The following ZNF418 variants were observed in gnomAD, a reference collection of about 807,000 sequenced individuals.
ZNF418 encodes zinc finger protein 418.
A neutral mutation model predicts 32.0 loss-of-function variants in ZNF418; 32 were observed. That is an observed-to-expected ratio of 1.00 (90% CI 0.75 to 1.34). The LOEUF is 1.34. Ranked by LOEUF, ZNF418 falls within the 40% of genes most tolerant of loss-of-function variation. The pLI is 0.00. For missense variants in ZNF418, 804 were observed against 812.5 expected (o/e 0.99, Z 0.13); for synonymous variants, 276 against 270.7 (o/e 1.02, Z -0.19).
chr19:57,931,775 T>C (rs929444318), intron 2 of ZNF418, among the ~76,000 whole-genome samples: 1 of 151,066 alleles, frequency 6.6e-6, no homozygotes, highest in Non-Finnish European at 1.5e-5. Context: ...GGGGTGTTGC[T>C]AAGTTGCCCA....
At chr19:57,931,712 G>A (rs1247528372) in intron 2 of ZNF418, among the ~76,000 whole-genome samples, 1 of 152,162 alleles carries the variant, frequency 6.6e-6, no homozygotes, top group African/African-American at 2.4e-5. Context: ...TCAGCCTTCT[G>A]TGGAGATGGG....
chr19:57,932,348 C>T, intron 2 of ZNF418: 1 of 1,348,516 alleles, frequency 7.4e-7, no homozygotes, highest in Non-Finnish European at 1.0e-6. Context: ...TCACATTGGC[C>T]TTTCATTTTC....
At chr19:57,934,387 TG>T (rs2072609539) in intron 1 of ZNF418, 1 of 200,278 alleles carries the variant, frequency 5.0e-6, no homozygotes. Context: ...TGGCTAATTT[TG>T]TATTTTTGTT....
rs991144420 is a variant in ZNF418 at position 57,927,275 on chromosome 19, A to C, written c.906T>G (p.Val302=). The change falls in exon 4 of 6, where the codon GTT becomes GTG. Residue 302 remains valine, a synonymous_variant. Transcript: ENST00000396147. Reference sequence around the variant, plus strand: ...CTCCAGTATGAACTCGCTGATGCTGAACAAGGCTGCCCTTATGACTAAAAG... The same window carrying C: ...CTCCAGTATGAACTCGCTGATGCTGCACAAGGCTGCCCTTATGACTAAAAG... ...GKSFSHKGSL[V]QHQRVHTGER... is the part of the protein sequence containing the mutation. 3 of 1,614,008 alleles carry C rather than the reference A, an allele frequency of 1.9e-6. No homozygotes were observed. Among genetic ancestry groups the C allele is most frequent in the Non-Finnish European group, 2.5e-6 (3 of 1,180,024 alleles).
intron 3 of ZNF418, among the ~76,000 whole-genome samples, chr19:57,929,502 A>G (rs2072391698): frequency 2.0e-5 from 3 of 152,186 alleles, no homozygotes; most frequent in Admixed American, 2.0e-4. Context: ...GTGGCAGCAA[A>G]CAGTGATGAG....
In ZNF418 at chr19:57,926,505, G is replaced by A. The variant is rs1338388111; in HGVS notation, c.1676C>T (p.Thr559Ile). The change falls in exon 4 of 6, where the codon ACT becomes ATT. Residue 559 changes from threonine to isoleucine, a missense_variant. Around this residue, in one of 3 missense-constraint regions of ZNF418, gnomAD observed 475 missense variants for 458.6 expected, o/e 1.04. Coordinates refer to ENST00000396147, the MANE Select transcript of ZNF418 (RefSeq NM_133460.3). ...CTCATAAGGTCTTTCTGCAGTGTGA[G>A]TTTTCTGATGTCGAAGGAGGGAAGA... The part of the protein sequence containing the change: ...QSSSLLRHQK[T>I]HTAERPYECR... 6.8e-6 allele frequency: 11 copies of A among 1,612,856 alleles called. No homozygotes were observed. Among genetic ancestry groups the A allele is most frequent in the Non-Finnish European group, 8.5e-6 (10 of 1,179,798 alleles).
Position 57,927,242 on chromosome 19 carries a change from A to C in ZNF418, c.939T>G (p.Pro313=), listed in dbSNP as rs1403508873. ...QHQRVHTGER[P]YECGECGKSF... ...ATTTCCCACATTCTCCACACTCATA[A>C]GGTCTTTCTCCAGTATGAACTCGCT... The change falls in exon 4 of 6, where the codon CCT becomes CCG. Residue 313 remains proline, a synonymous_variant. Transcript: ENST00000396147. The C allele has an allele frequency of 1.2e-6, 2 of 1,614,062 alleles. No individual in the cohort carries two copies. Among genetic ancestry groups the C allele is most frequent in the African/African-American group, 2.7e-5 (2 of 74,916 alleles).
chr19:57,934,964 T>C, intron 1 of ZNF418, 197 bp downstream of exon 1: 2 of 1,393,636 alleles, frequency 1.4e-6, no homozygotes, highest in South Asian at 1.3e-5. Context: ...CTCCAGGCCA[T>C]AGCCCGCGCC....
Position 57,927,878 on chromosome 19 carries a change from CTGA to C in ZNF418, c.300_302del (p.His100del), listed in dbSNP as rs1392755096. The C allele has an allele frequency of 1.8e-5, 29 of 1,614,096 alleles. No individual in the cohort carries two copies. The highest frequency in any genetic ancestry group is 2.5e-5 in the Non-Finnish European group (29 of 1,180,024). On this transcript the variant is annotated inframe_deletion, in exon 4 of 6. Transcript: ENST00000396147. ...GCAGTTTCTGCTTGTGATGTGTCCC[CTGA>C]TGATCTGCCAAGTGCAAAATGTCTC...
chr19:57,925,262 C>T (rs531793608), intron 4 of ZNF418, among the ~76,000 whole-genome samples: 4 of 152,154 alleles, frequency 2.6e-5, no homozygotes, highest in Admixed American at 2.0e-4. Context: ...AGATCGAGAC[C>T]ATCCTGGCTA....
chr19:57,927,844 C>G lies in ZNF418; in HGVS notation c.337G>C (p.Glu113Gln), dbSNP rs1251695986. Residue 113 changes from glutamate to glutamine, a missense_variant, in exon 4 of 6, where the codon GAG becomes CAG. Physicochemically the swap from Glu to Gln is conservative, Grantham distance 29. Around this residue, in one of 3 missense-constraint regions of ZNF418, gnomAD observed 307 missense variants for 304.9 expected, o/e 1.01. Coordinates refer to ENST00000396147, the MANE Select transcript of ZNF418 (RefSeq NM_133460.3). ...TCATACAATTTATTCCCCCATGCCT[C>G]ACACCTGTGCAGTTTCTGCTTGTGA... ...THHKQKLHRC[E>Q]AWGNKLYDSS... 1.2e-6 allele frequency: 2 copies of G among 1,614,034 alleles called. No individual in the cohort carries two copies. The highest frequency in any genetic ancestry group is 2.2e-5 in the East Asian group (1 of 44,872).
chr19:57,925,329 T>C (rs1488694566), intron 4 of ZNF418, among the ~76,000 whole-genome samples: 13 of 151,670 alleles, frequency 8.6e-5, no homozygotes, highest in African/African-American at 2.2e-4. Context: ...GGCATGGTGG[T>C]GGGCACCTGT....
rs754364301 is a variant in ZNF418, at chr19:57,926,175, T to A, written c.2006A>T (p.His669Leu). 3 of 1,612,862 alleles carry A rather than the reference T, an allele frequency of 1.9e-6. No individual in the cohort carries two copies. The highest frequency in any genetic ancestry group is 3.3e-4 in the Middle Eastern group (2 of 6,056). The change falls in exon 4 of 6, where the codon CAC (histidine) becomes CTC (leucine). Residue 669 changes from histidine (H) to leucine (L), a missense_variant. This residue lies in a region of ZNF418 where 475 missense variants were observed against 458.6 expected (regional missense o/e 1.04). Coordinates refer to ENST00000396147, the MANE Select transcript of ZNF418 (RefSeq NM_133460.3). The stretch of plus-strand genomic sequence containing the variant: ...TCACTTGTAAGGACTTCTTTCTGTG[T>A]GAACTCTCTGATGTCGAAGGAGAGA... ...SSSLLRHQRVHTERSPYK is the reference protein window; with the variant it reads ...SSSLLRHQRVLTERSPYK
intron 1 of ZNF418, among the ~76,000 whole-genome samples, chr19:57,934,441 C>G (rs1398892609): frequency 6.6e-6 from 1 of 152,176 alleles, no homozygotes; most frequent in Non-Finnish European, 1.5e-5. Context: ...GTCTCGAACT[C>G]CCGACCTCAG....
intron 2 of ZNF418, among the ~76,000 whole-genome samples, chr19:57,933,351 G>A (rs1002953849): frequency 3.3e-5 from 5 of 150,860 alleles, no homozygotes; most frequent in African/African-American, 4.9e-5. Context: ...AGGCCGAGAC[G>A]GGTAGATCAC....
At position 57,926,072 on chromosome 19, in the gene ZNF418, TA is replaced by T; in HGVS notation, c.*77del. On this transcript the variant is annotated 3_prime_UTR_variant, in exon 4 of 6. Transcript: ENST00000396147. ...GAATATCCCACGTTTGTCACACTCA[TA>T]AGGTCCTGATCCAGTAAGAACCCTC... 8.0e-7 allele frequency: 1 copy of T among 1,250,742 alleles called. No individual in the cohort carries two copies. 77.5% of individuals were successfully genotyped at this position (1,250,742 alleles called of 1,614,324 possible).
chr19:57,932,968 G>A (rs908734853), intron 2 of ZNF418, among the ~76,000 whole-genome samples: 7 of 152,008 alleles, frequency 4.6e-5, no homozygotes, highest in Non-Finnish European at 8.8e-5. Flanking sequence ...CTATCTTCAT[G>A]AGCCCTTGCC....
rs894143004 is a variant in ZNF418 at position 57,922,438 on chromosome 19, G to A, written c.*817C>T. The A allele has an allele frequency of 1.8e-5, 7 of 396,370 alleles. No individual in the cohort carries two copies. The highest frequency in any genetic ancestry group is 3.1e-5 in the Non-Finnish European group (7 of 225,096). The allele number at this position is 396,370 out of a possible 1,614,324, so 24.6% of individuals were successfully genotyped here. On this transcript the variant is annotated 3_prime_UTR_variant, in exon 6 of 6. Coordinates refer to ENST00000396147, the MANE Select transcript of ZNF418 (RefSeq NM_133460.3). ...TAATTCACAAGAAATTCTCCAAGAG[G>A]GAGTTACCAATTCAACACATATTTA...
intron 4 of ZNF418, among the ~76,000 whole-genome samples, chr19:57,924,158 A>G (rs1035211094): frequency 1.3e-5 from 2 of 152,082 alleles, no homozygotes; most frequent in Non-Finnish European, 1.5e-5. Flanking sequence ...AAAAAAAAGA[A>G]AAACATGGAT....
Sources: allele counts gnomAD v4.1 joint callset (sites outside exome capture counted in the v4.1 genomes callset), GRCh38; gene constraint gnomAD v4.1.1; regional missense constraint gnomAD v4.1.1; transcripts MANE v1.5; gene names NCBI Gene and HGNC (gene_info 2026-07-23, HGNC 2026-07-21).